Variants in MYO9B observed in about 807,000 individuals in gnomAD.
MYO9B encodes the protein unconventional myosin-IXb.
Under a neutral mutation model 229.5 loss-of-function variants are expected in MYO9B, and 71 were observed. The observed-to-expected ratio is 0.31, with a 90% CI of 0.26 to 0.38. The LOEUF (loss-of-function observed/expected upper bound fraction) is 0.38. Among genes scored for constraint, MYO9B ranks in the 10% least tolerant of loss-of-function variants. The pLI is 1.00. For synonymous variants in MYO9B, 1,185 were observed against 1,235.8 expected (o/e 0.96, Z 0.86); for missense variants, 2,255 against 2,920.5 (o/e 0.77, Z 5.25).
In MYO9B at chr19:17,154,007, G is replaced by A. The variant is rs776771761; in HGVS notation, c.1039G>A (p.Glu347Lys). Reference sequence around the variant, plus strand: ...TTATTATTTGTTACTTGGGGTCAGCGAGGAAGAGCGCCAAGAATTTCAGCT... The same window carrying A: ...TTATTATTTGTTACTTGGGGTCAGCAAGGAAGAGCGCCAAGAATTTCAGCT... ...VFYYLLLGVS[E>K]EERQEFQLKQ... is the part of the protein sequence containing the mutation. Residue 347 changes from glutamate to lysine, a missense_variant, in exon 5 of 40, where the codon GAG (glutamate) becomes AAG (lysine). This residue lies in a region of MYO9B where 386 missense variants were observed against 515.2 expected (regional missense o/e 0.75). Coordinates refer to ENST00000682292, the MANE Select transcript of MYO9B (RefSeq NM_004145.4). The A allele has an allele frequency of 1.9e-5, 31 of 1,613,682 alleles. No individual in the cohort carries two copies. The highest frequency in any genetic ancestry group is 2.2e-5 in the East Asian group (1 of 44,884).
intron 8 of MYO9B, among the ~76,000 whole-genome samples, chr19:17,161,499 T>C (rs762334504): frequency 8.6e-5 from 13 of 151,710 alleles, no homozygotes; most frequent in Non-Finnish European, 1.5e-4. Context: ...GGCAACATAG[T>C]GAGACCCCGT....
intron 2 of MYO9B, among the ~76,000 whole-genome samples, chr19:17,120,759 G>C (rs1251049137): frequency 6.6e-6 from 1 of 152,146 alleles, no homozygotes; most frequent in Admixed American, 6.6e-5. Flanking sequence ...GTGGGTTTGT[G>C]GCGGCAGCTC....
intron 2 of MYO9B, among the ~76,000 whole-genome samples, chr19:17,137,811 G>A (rs928735255): frequency 1.4e-4 from 22 of 151,762 alleles, no homozygotes; most frequent in Non-Finnish European, 2.6e-4. Flanking sequence ...GGGCGCAAAT[G>A]CAGCTGCAGC....
intron 2 of MYO9B, among the ~76,000 whole-genome samples, chr19:17,142,447 TTGTA>T (rs1419457058): frequency 6.6e-6 from 1 of 152,136 alleles, no homozygotes; most frequent in Non-Finnish European, 1.5e-5. Context: ...AGAAGGTTAA[TTGTA>T]TGTCATGTTT....
chr19:17,087,789 G>T (rs1257615262), intron 1 of MYO9B, among the ~76,000 whole-genome samples: 1 of 152,166 alleles, frequency 6.6e-6, no homozygotes, highest in South Asian at 2.1e-4. Flanking sequence ...AATTAGCCAG[G>T]TGTGGTGGTG....
intron 3 of MYO9B, among the ~76,000 whole-genome samples, chr19:17,149,195 C>G (rs911329199): frequency 6.6e-6 from 1 of 152,090 alleles, no homozygotes; most frequent in Non-Finnish European, 1.5e-5. Context: ...CCAGGCTGGT[C>G]TTGAACTCCT....
rs2073237249 is a variant in MYO9B at position 17,212,088 on chromosome 19, A to G, written c.6252A>G (p.Ala2084=). 1.3e-6 allele frequency: 2 copies of G among 1,593,048 alleles called. No homozygotes were observed. Among genetic ancestry groups the G allele is most frequent in the African/African-American group, 1.3e-5 (1 of 74,182 alleles). ...TGCCCTCCCACCTGCCTCGCTGGGC[A>G]CCGGGTGCCCGGGAGGCGGCTGCCC... ...PGLPSHLPRW[A]PGAREAAAPV... Residue 2084 remains alanine (A), a synonymous_variant, in exon 40 of 40, where the codon GCA becomes GCG. Coordinates refer to ENST00000682292, the MANE Select transcript of MYO9B (RefSeq NM_004145.4). This position sits in a 1 kb window ranked among gnomAD's most constrained non-coding sequence, Gnocchi z 5.4.
rs1311593053 is a variant in MYO9B at position 17,202,137 on chromosome 19, A to G, written c.4670A>G (p.Lys1557Arg). Residue 1557 changes from lysine (K) to arginine (R), a missense_variant, in exon 28 of 40, where the codon AAG becomes AGG. Physicochemically the swap from Lys to Arg is conservative, Grantham distance 26 (BLOSUM62 2). Transcript: ENST00000682292. Reference protein sequence around the residue: ...IKTMYSVPNGKIHVGYKDLME... With the variant: ...IKTMYSVPNGRIHVGYKDLME... Reference sequence around the variant, plus strand: ...CGCCTAGCATTCCTACAGAACGGGAAGATCCACGTGGGCTACAAGGATCTG... The same window carrying G: ...CGCCTAGCATTCCTACAGAACGGGAGGATCCACGTGGGCTACAAGGATCTG... 2 of 1,613,692 alleles carry G rather than the reference A, an allele frequency of 1.2e-6. No individual in the cohort carries two copies. The highest frequency in any genetic ancestry group is 3.3e-5 in the Admixed American group (2 of 59,972).
At chr19:17,208,353 A>AAAAGCAACC (rs74332276) in intron 35 of MYO9B, among the ~76,000 whole-genome samples, 4 of 124,612 alleles carry the variant, frequency 3.2e-5, no homozygotes, top group East Asian at 4.8e-4. Context: ...AAAAAAAAAA[A>AAAAGCAACC]ATCCAGATGG....
intron 1 of MYO9B, among the ~76,000 whole-genome samples, chr19:17,084,616 C>A (rs1316849176): frequency 6.6e-6 from 1 of 150,488 alleles, no homozygotes; most frequent in Non-Finnish European, 1.5e-5. Flanking sequence ...GTAATCCCAA[C>A]ACTTTGGGAG....
At chr19:17,154,279 A>C in intron 5 of MYO9B, 36 bp from the exon 6 acceptor site, 1 of 1,587,468 alleles carries the variant, frequency 6.3e-7, no homozygotes, top group Non-Finnish European at 8.6e-7. Flanking sequence ...TTGCCGGCCC[A>C]GGAATGCCCA....
In MYO9B at chr19:17,149,842, G is replaced by A. The variant is rs148860476; in HGVS notation, c.936-2802G>A. Among the ~76,000 whole-genome samples, 208 of 152,234 alleles carry A rather than the reference G, an allele frequency of 1.4e-3. 2 individuals are homozygous for A. The highest frequency in any genetic ancestry group is 4.7e-3 in the African/African-American group (197 of 41,536). On this transcript the variant is annotated intron_variant, in intron 3 of 39. Transcript: ENST00000682292. ...TGAAAATGATTGGGGAAGGGAAGGG[G>A]CCATCATCTGTCAAGCGACATTTTG...
At chr19:17,162,302 C>G (rs780699052) in intron 8 of MYO9B, 48 bp from the exon 9 acceptor site, 7 of 1,470,954 alleles carry the variant, frequency 4.8e-6, no homozygotes, top group Non-Finnish European at 6.5e-6. Flanking sequence ...AAGACTCCAG[C>G]GCAGGGCCTG....
chr19:17,099,815 T>TA (rs34945453), intron 1 of MYO9B, among the ~76,000 whole-genome samples: 50 of 116,298 alleles, frequency 4.3e-4, no homozygotes, highest in South Asian at 1.2e-3. Context: ...GAGACTGTCT[T>TA]AAAAAAAAAA....
chr19:17,154,355 A>G lies in MYO9B; in HGVS notation c.1139A>G (p.Asp380Gly). 1 of 1,613,256 alleles carries G rather than the reference A, an allele frequency of 6.2e-7. No homozygotes were observed. The highest frequency in any genetic ancestry group is 8.5e-7 in the Non-Finnish European group (1 of 1,179,364). Residue 380 changes from aspartate (D) to glycine (G), a missense_variant, in exon 6 of 40, where the codon GAC (aspartate) becomes GGC (glycine). Physicochemically the swap from Asp to Gly is moderately conservative, Grantham distance 94. Transcript: ENST00000682292. ...GAAGATGGGGAGGACCTGAAGCATG[A>G]CTTTGAGAGGCTCAAGCAGGCCATG... Reference protein sequence around the residue: ...KIEDGEDLKHDFERLKQAMEM... With the variant: ...KIEDGEDLKHGFERLKQAMEM...
At chr19:17,160,228 G>A (rs1269868804) in intron 8 of MYO9B, among the ~76,000 whole-genome samples, 1 of 152,120 alleles carries the variant, frequency 6.6e-6, no homozygotes, top group Non-Finnish European at 1.5e-5. Flanking sequence ...GGGACATTCT[G>A]AGCCCACATG....
Position 17,162,336 on chromosome 19 carries a change from CT to C in MYO9B, c.1420-13del. On this transcript the variant is annotated splice_polypyrimidine_tract_variant and intron_variant, in intron 8 of 39. Transcript: ENST00000682292. ...TGCCGTGCCGGAGGTGAGTCACCCC[CT>C]CTGTGTCCACAGGCCATCACTGCCC... The C allele has an allele frequency of 6.4e-7, 1 of 1,556,802 alleles. No homozygotes were observed. Among genetic ancestry groups the C allele is most frequent in the Non-Finnish European group, 8.7e-7 (1 of 1,152,122 alleles).
chr19:17,132,877 C>A (rs1465335186), intron 2 of MYO9B, among the ~76,000 whole-genome samples: 1 of 146,900 alleles, frequency 6.8e-6, no homozygotes, highest in Non-Finnish European at 1.5e-5. Context: ...GAGACGGAGT[C>A]TCGCTCTGTC....
intron 1 of MYO9B, among the ~76,000 whole-genome samples, chr19:17,092,339 G>T (rs371606242): frequency 2.0e-5 from 3 of 152,230 alleles, no homozygotes; most frequent in East Asian, 3.8e-4. Context: ...ACTCTGCCCA[G>T]GCCTCGCTGT....
Sources: allele counts gnomAD v4.1 joint callset (sites outside exome capture counted in the v4.1 genomes callset), GRCh38; gene constraint gnomAD v4.1.1; regional missense constraint gnomAD v4.1.1; non-coding constraint Gnocchi (gnomAD v3.1); transcripts MANE v1.5; gene names NCBI Gene and HGNC (gene_info 2026-07-23, HGNC 2026-07-21).